The following THBS2 variants were observed in gnomAD, a reference collection of about 807,000 sequenced individuals.
The protein encoded by THBS2 is thrombospondin 2.
A neutral mutation model predicts 135.2 loss-of-function variants in THBS2; 47 were observed. The ratio of observed to expected loss-of-function variants is 0.35; its 90% CI spans 0.28 to 0.44. THBS2 has a LOEUF of 0.44. THBS2 is among the 20% of genes least tolerant of loss of function. The pLI is 1.00. For synonymous variants in THBS2, 639 were observed against 633.8 expected, an observed-to-expected ratio of 1.01 and a Z score of -0.12; for missense variants, 1,288 against 1,603.1, an observed-to-expected ratio of 0.80 and a Z score of 3.36.
chr6:169,243,039 CTCCCACCT>C (rs1198815677), intron 4 of THBS2, among the ~76,000 whole-genome samples: 5 of 56,760 alleles, frequency 8.8e-5, no homozygotes, highest in Admixed American at 2.1e-4. Flanking sequence ...CTTCCCACCG[CTCCCACCT>C]TCCCACCTTC....
rs1780374123 is a variant in THBS2, at chr6:169,242,715, ACC to A, written c.695-759_695-758del. On this transcript the variant is annotated intron_variant, in intron 4 of 21. Coordinates refer to ENST00000617924, the MANE Select transcript of THBS2 (RefSeq NM_003247.5). ...ATCTTCCCACCTTCCCACCACTCCC[ACC>A]TTCCCACCTTCCCACCTTCCCACCG... 1.7e-4 allele frequency among the ~76,000 whole-genome samples: 5 copies of A among 30,078 alleles called. No homozygotes were observed. In the Admixed American group the frequency reaches 1.8e-3, roughly 11 times the overall value. 19.7% of individuals were successfully genotyped at this position (30,078 alleles called of 152,430 possible).
intron 4 of THBS2, among the ~76,000 whole-genome samples, chr6:169,245,496 A>G (rs1780508510): frequency 6.6e-6 from 1 of 152,216 alleles, no homozygotes; most frequent in African/African-American, 2.4e-5. Flanking sequence ...TATGAACAGT[A>G]TAAGAAAACT....
chr6:169,245,545 C>A (rs966018711), intron 4 of THBS2, among the ~76,000 whole-genome samples: 1 of 152,150 alleles, frequency 6.6e-6, no homozygotes, highest in African/African-American at 2.4e-5. Context: ...GTAATCCCAG[C>A]ACTTTGGGAG....
chr6:169,251,506 C>A (rs904840988), intron 1 of THBS2, among the ~76,000 whole-genome samples: 2 of 152,138 alleles, frequency 1.3e-5, no homozygotes, highest in Non-Finnish European at 2.9e-5. Context: ...TGGTCCAAAG[C>A]CCGGCTGGGC....
At chr6:169,244,140 G>A (rs1780465229) in intron 4 of THBS2, among the ~76,000 whole-genome samples, 1 of 149,398 alleles carries the variant, frequency 6.7e-6, no homozygotes, top group Middle Eastern at 3.3e-3. Flanking sequence ...CACATCTGGA[G>A]ATAACAGATC....
chr6:169,225,058 G>A, intron 17 of THBS2, 87 bp downstream of exon 17: 1 of 1,304,042 alleles, frequency 7.7e-7, no homozygotes, highest in Admixed American at 1.8e-5. Context: ...GCAGATTTAA[G>A]ATGATCTCCG....
intron 20 of THBS2, among the ~76,000 whole-genome samples, chr6:169,220,984 A>T (rs912173687): frequency 5.9e-5 from 9 of 152,230 alleles, no homozygotes; most frequent in Non-Finnish European, 8.8e-5. Flanking sequence ...ATTTTGTTTG[A>T]ATAAAAATCA....
rs1176839920 is a variant in THBS2, at chr6:169,248,621, A to G, written c.405T>C (p.His135=). Residue 135 remains histidine (H), a synonymous_variant, in exon 3 of 22, where the codon CAT becomes CAC. Transcript: ENST00000617924. ...DLTYWIDGTR[H]VVSLEDVGLA... ...GGCCGACGTCCTCCAGGGAGACCACATGCCGGGTGCCGTCAATCCAGTAGG... is the reference window on the plus strand; with the variant it reads ...GGCCGACGTCCTCCAGGGAGACCACGTGCCGGGTGCCGTCAATCCAGTAGG... 5.0e-6 allele frequency: 8 copies of G among 1,613,874 alleles called. No homozygotes were observed. The East Asian group carries it at 1.8e-4, about 36-fold the overall frequency.
chr6:169,216,976 T>C lies in THBS2; in HGVS notation c.*846A>G, dbSNP rs1779193102. On this transcript the variant is annotated 3_prime_UTR_variant, in exon 22 of 22. Coordinates refer to ENST00000617924, the MANE Select transcript of THBS2 (RefSeq NM_003247.5). ...TCTGGTTCCTCTCAGGCAGCAAAGC[T>C]GGGGAAGGAAGCTCAGGCAGGAGCC... The C allele has an allele frequency of 1.3e-5, 2 of 152,358 alleles. No individual in the cohort carries two copies. The highest frequency in any genetic ancestry group is 4.1e-4 in the South Asian group (2 of 4,830). The allele number at this position is 152,358 out of a possible 1,614,324, so 9.4% of individuals were successfully genotyped here. A position where few individuals can be genotyped will look rare whatever the true frequency, so the allele number is the denominator to read the frequency against.
Position 169,242,188 on chromosome 6 carries a change from G to C in THBS2, c.695-230C>G, listed in dbSNP as rs115865604. Among the ~76,000 whole-genome samples, 1,307 of 152,236 alleles carry C rather than the reference G, an allele frequency of 8.6e-3. 24 individuals carry two copies. Among genetic ancestry groups the C allele is most frequent in the African/African-American group, 0.03 (1,260 of 41,534 alleles). ...GACACCAGGAACAGCAGGGACAGGG[G>C]ACAGTGGCTATTTCCCACGCTGCCA... is the stretch of plus-strand genomic sequence containing the variant. On this transcript the variant is annotated intron_variant, in intron 4 of 21. Coordinates refer to ENST00000617924, the MANE Select transcript of THBS2 (RefSeq NM_003247.5).
intron 12 of THBS2, among the ~76,000 whole-genome samples, chr6:169,232,439 G>C (rs1010368450): frequency 6.6e-6 from 1 of 151,872 alleles, no homozygotes; most frequent in Non-Finnish European, 1.5e-5. Flanking sequence ...GCTAACAGCG[G>C]AGAGGTGGCG....
intron 7 of THBS2, chr6:169,239,311 G>C (rs1472022859): frequency 4.4e-6 from 2 of 454,194 alleles, no homozygotes; most frequent in African/African-American, 4.0e-5. Flanking sequence ...CTCCATCGGG[G>C]CCTGCTCTGG....
At chr6:169,250,695 C>A in intron 2 of THBS2, 38 bp downstream of exon 2, 1 of 1,593,740 alleles carries the variant, frequency 6.3e-7, no homozygotes, top group Non-Finnish European at 8.6e-7. Flanking sequence ...CCATATCTCA[C>A]AAGCCAGAGA....
At chr6:169,223,745 C>T (rs1195465987) in intron 17 of THBS2, among the ~76,000 whole-genome samples, 1 of 152,206 alleles carries the variant, frequency 6.6e-6, no homozygotes, top group African/African-American at 2.4e-5. Flanking sequence ...AGCCATTTCT[C>T]ACCGTGTTCC....
Position 169,217,617 on chromosome 6 carries a change from G to C in THBS2, c.*205C>G. 1 of 527,360 alleles carries C rather than the reference G, an allele frequency of 1.9e-6. No individual in the cohort carries two copies. 32.7% of individuals were successfully genotyped at this position (527,360 alleles called of 1,614,324 possible). ...CAAACTGGTTTCCTCTAGTGGGTTA[G>C]ATGTTCATCTCTGAGTTCCATTGAT... is the stretch of plus-strand genomic sequence containing the variant. On this transcript the variant is annotated 3_prime_UTR_variant, in exon 22 of 22. Coordinates refer to ENST00000617924, the MANE Select transcript of THBS2 (RefSeq NM_003247.5).
intron 14 of THBS2, among the ~76,000 whole-genome samples, chr6:169,228,906 C>CAAAAA (rs535971273): frequency 8.9e-6 from 1 of 112,894 alleles, no homozygotes. Context: ...CCTGAGCGAC[C>CAAAAA]AAAAAAAAAA....
chr6:169,232,989 C>T lies in THBS2; in HGVS notation c.1680G>A (p.Pro560=). 2.6e-6 allele frequency: 4 copies of T among 1,547,820 alleles called. 1 individual carries two copies. Among genetic ancestry groups the T allele is most frequent in the African/African-American group, 1.4e-5 (1 of 73,658 alleles). Residue 560 remains proline, a synonymous_variant, in exon 11 of 22, where the codon CCG becomes CCA. Coordinates refer to ENST00000617924, the MANE Select transcript of THBS2 (RefSeq NM_003247.5). ...VDGCLSNPCF[P]GAQCSSFPDG... ...CGGGGAAGCTGCTGCACTGGGCTCC[C>T]GGGAAGCAGGGGTTGGATAAACAGC...
At chr6:169,223,986 G>A (rs961473016) in intron 17 of THBS2, among the ~76,000 whole-genome samples, 2 of 152,210 alleles carry the variant, frequency 1.3e-5, no homozygotes, top group South Asian at 4.1e-4. Flanking sequence ...CAGCGGGGTT[G>A]TGGCATGGTG....
At chr6:169,236,431 C>T (rs1354499122) in intron 9 of THBS2, among the ~76,000 whole-genome samples, 1 of 134,252 alleles carries the variant, frequency 7.4e-6, no homozygotes, top group East Asian at 2.5e-4. Flanking sequence ...ACACTCACTC[C>T]CCATCCACAC....
Sources: allele counts gnomAD v4.1 joint callset (sites outside exome capture counted in the v4.1 genomes callset), GRCh38; gene constraint gnomAD v4.1.1; transcripts MANE v1.5; gene names NCBI Gene and HGNC (gene_info 2026-07-23, HGNC 2026-07-21).